The following CD276 variants were observed in gnomAD, a reference collection of about 807,000 sequenced individuals.
The protein encoded by CD276 is CD276 molecule.
A neutral mutation model predicts 50.0 loss-of-function variants in CD276; 34 were observed. That is an observed-to-expected ratio of 0.68 (90% CI 0.52 to 0.91). CD276 has a LOEUF of 0.91. CD276 is among the 40% of genes least tolerant of loss of function. CD276 has a pLI of 0.00. For missense variants in CD276, 634 were observed against 717.5 expected (o/e 0.88, Z 1.33); for synonymous variants, 275 against 313.0 (o/e 0.88, Z 1.28).
Position 73,702,244 on chromosome 15 carries a change from C to T in CD276, c.80-11C>T. ...TCCCCCTTATATGTTCTCCACTCCC[C>T]CTACCCCCAGGAGCCCTGGAGGTCC... On this transcript the variant is annotated splice_polypyrimidine_tract_variant and intron_variant, in intron 2 of 9. Transcript: ENST00000318443. The T allele has an allele frequency of 6.3e-7, 1 of 1,595,678 alleles. No homozygotes were observed. The highest frequency in any genetic ancestry group is 8.5e-7 in the Non-Finnish European group (1 of 1,171,176).
At chr15:73,686,056 T>C (rs1408692284) in intron 1 of CD276, among the ~76,000 whole-genome samples, 1 of 152,206 alleles carries the variant, frequency 6.6e-6, no homozygotes, top group Non-Finnish European at 1.5e-5. Flanking sequence ...AATGAAATTT[T>C]CCTTCATGAC....
rs762909809 is a variant in CD276, at chr15:73,713,816, T to C, written c.*860T>C. On this transcript the variant is annotated 3_prime_UTR_variant, in exon 10 of 10. Coordinates refer to ENST00000318443, the MANE Select transcript of CD276 (RefSeq NM_001024736.2). ...TCCCTCTGCCTTCTCACCTCTTTGT[T>C]CCTTTCTTTTCATGTATCCATTCAG... is the stretch of plus-strand genomic sequence containing the variant. 2 of 443,704 alleles carry C rather than the reference T, an allele frequency of 4.5e-6. No homozygotes were observed. Among genetic ancestry groups the C allele is most frequent in the South Asian group, 1.6e-5 (1 of 62,454 alleles). The allele number at this position is 443,704 out of a possible 1,614,324, so 27.5% of individuals were successfully genotyped here.
chr15:73,703,760 G>A lies in CD276; in HGVS notation c.835G>A (p.Ala279Thr), dbSNP rs10083681. The change falls in exon 5 of 10, where the codon GCA (alanine) becomes ACA (threonine). Residue 279 changes from alanine (A) to threonine (T), a missense_variant. Physicochemically the swap from Ala to Thr is moderately conservative, Grantham distance 58. Coordinates refer to ENST00000318443, the MANE Select transcript of CD276 (RefSeq NM_001024736.2). ...CTCCCCCGAGCCTGGCTTCAGCCTGGCACAGCTCAACCTCATCTGGCAGCT... is the reference window on the plus strand; with the variant it reads ...CTCCCCCGAGCCTGGCTTCAGCCTGACACAGCTCAACCTCATCTGGCAGCT... The part of the protein sequence containing the change: ...SFSPEPGFSL[A>T]QLNLIWQLTD... 186,656 of 1,613,412 alleles carry A rather than the reference G, an allele frequency of 0.12. 14,252 individuals are homozygous for A. The highest frequency in any genetic ancestry group is 0.39 in the African/African-American group (29,543 of 74,966).
chr15:73,711,471 C>T (rs1596023074), intron 9 of CD276: 3 of 367,322 alleles, frequency 8.2e-6, no homozygotes, highest in Admixed American at 8.6e-5. Context: ...TTCCACTTAC[C>T]TGGATTCTGC....
chr15:73,703,971 G>C lies in CD276; in HGVS notation c.1046G>C (p.Ser349Thr). 1 of 1,610,958 alleles carries C rather than the reference G, an allele frequency of 6.2e-7. No homozygotes were observed. The highest frequency in any genetic ancestry group is 8.5e-7 in the Non-Finnish European group (1 of 1,179,430). ...TCFVSIRDFG[S>T]AAVSLQVAAP... is the part of the protein sequence containing the mutation. ...TTCGTGAGCATCCGGGATTTCGGCAGCGCTGCCGTCAGCCTGCAGGTGGCC... is the reference window on the plus strand; with the variant it reads ...TTCGTGAGCATCCGGGATTTCGGCACCGCTGCCGTCAGCCTGCAGGTGGCC... The change falls in exon 5 of 10, where the codon AGC becomes ACC. Residue 349 changes from serine (S) to threonine (T), a missense_variant. Physicochemically the swap from Ser to Thr is moderately conservative, Grantham distance 58. Transcript: ENST00000318443.
intron 2 of CD276, among the ~76,000 whole-genome samples, chr15:73,700,040 C>G (rs1263484011): frequency 6.6e-6 from 1 of 152,186 alleles, no homozygotes; most frequent in African/African-American, 2.4e-5. Context: ...GACTGGATCC[C>G]ATATTTTGTG....
chr15:73,698,242 T>A (rs1900248516), intron 1 of CD276, among the ~76,000 whole-genome samples: 4 of 152,236 alleles, frequency 2.6e-5, no homozygotes, highest in Non-Finnish European at 5.9e-5. Context: ...TCAATACAGA[T>A]GTGTTAAGCT....
At position 73,702,555 on chromosome 15, in the gene CD276, G is replaced by A. The variant is rs780694082; in HGVS notation, c.380G>A (p.Arg127Gln). Reference sequence around the variant, plus strand: ...AGCTTCACCTGCTTCGTGAGCATCCGGGATTTCGGCAGCGCTGCCGTCAGC... The same window carrying A: ...AGCTTCACCTGCTTCGTGAGCATCCAGGATTTCGGCAGCGCTGCCGTCAGC... ...EGSFTCFVSIRDFGSAAVSLQ... is the reference protein window; with the variant it reads ...EGSFTCFVSIQDFGSAAVSLQ... The change falls in exon 3 of 10, where the codon CGG (arginine) becomes CAG (glutamine). Residue 127 changes from arginine (R) to glutamine (Q), a missense_variant. Arg to Gln is a conservative substitution (Grantham distance 43). Transcript: ENST00000318443. 8 of 1,611,052 alleles carry A rather than the reference G, an allele frequency of 5.0e-6. No homozygotes were observed. The highest frequency in any genetic ancestry group is 1.7e-5 in the Admixed American group (1 of 59,956).
chr15:73,712,375 G>A (rs1900938437), intron 9 of CD276, among the ~76,000 whole-genome samples: 1 of 152,238 alleles, frequency 6.6e-6, no homozygotes, highest in African/African-American at 2.4e-5. Flanking sequence ...GTGAGGGAGA[G>A]GGCAGGGGAA....
chr15:73,711,041 C>A, intron 8 of CD276, 94 bp from the exon 9 acceptor site: 1 of 1,336,322 alleles, frequency 7.5e-7, no homozygotes, highest in Non-Finnish European at 1.1e-6. Flanking sequence ...CTTGTCCCGC[C>A]CCTTCCAGCC....
Position 73,704,586 on chromosome 15 carries a change from C to T in CD276, c.1369+114C>T. ...GCCAGAAGACTTTCAAAATCCCTTTCATAGACTTCAGGTGCTCACACTCTT... is the reference window on the plus strand; with the variant it reads ...GCCAGAAGACTTTCAAAATCCCTTTTATAGACTTCAGGTGCTCACACTCTT... On this transcript the variant is annotated intron_variant, in intron 6 of 9. Transcript: ENST00000318443. This position sits in a 1 kb window ranked among gnomAD's most constrained non-coding sequence, Gnocchi z 4.1. The T allele has an allele frequency of 7.3e-7, 1 of 1,362,550 alleles. No individual in the cohort carries two copies. Among genetic ancestry groups the T allele is most frequent in the Non-Finnish European group, 9.9e-7 (1 of 1,009,050 alleles). 84.4% of individuals were successfully genotyped at this position (1,362,550 alleles called of 1,614,324 possible). A position where few individuals can be genotyped will look rare whatever the true frequency, so the allele number is the denominator to read the frequency against.
In CD276 at chr15:73,702,399, T is replaced by G. The variant is rs201466660; in HGVS notation, c.224T>G (p.Leu75Arg). Residue 75 changes from leucine (L) to arginine (R), a missense_variant, in exon 3 of 10, where the codon CTG (leucine) becomes CGG (arginine). Transcript: ENST00000318443. ...TGGCAGCTGACAGATACCAAACAGCTGGTGCACAGCTTTGCTGAGGGCCAG... is the reference window on the plus strand; with the variant it reads ...TGGCAGCTGACAGATACCAAACAGCGGGTGCACAGCTTTGCTGAGGGCCAG... ...LIWQLTDTKQ[L>R]VHSFAEGQDQ... 39 of 1,613,760 alleles carry G rather than the reference T, an allele frequency of 2.4e-5. No individual in the cohort carries two copies. The East Asian group carries it at 4.9e-4, about 20-fold the overall frequency.
chr15:73,692,661 T>C (rs1900029651), intron 1 of CD276, among the ~76,000 whole-genome samples: 1 of 152,248 alleles, frequency 6.6e-6, no homozygotes, highest in African/African-American at 2.4e-5. Context: ...ACCTCCCAAC[T>C]TGAGAATGAG....
At chr15:73,705,721 C>A (rs1000218822) in intron 6 of CD276, among the ~76,000 whole-genome samples, 2 of 152,040 alleles carry the variant, frequency 1.3e-5, no homozygotes, top group Non-Finnish European at 2.9e-5. Flanking sequence ...GGATATGAAG[C>A]TTTCAGAGGA....
At chr15:73,696,246 G>A (rs1178596665) in intron 1 of CD276, among the ~76,000 whole-genome samples, 1 of 151,960 alleles carries the variant, frequency 6.6e-6, no homozygotes, top group Non-Finnish European at 1.5e-5. Flanking sequence ...CCCGGCTGGG[G>A]ATGAGATTCC....
chr15:73,699,699 A>G lies in CD276; in HGVS notation c.60A>G (p.Ala20=), dbSNP rs758002298. 3 of 1,608,534 alleles carry G rather than the reference A, an allele frequency of 1.9e-6. No homozygotes were observed. Among genetic ancestry groups the G allele is most frequent in the Non-Finnish European group, 2.5e-6 (3 of 1,177,040 alleles). ...TGCATGTGGGTGCAGCCCTGGGAGC[A>G]CTGTGGTTCTGCCTCACAGGTGAGG... The part of the protein sequence containing the change: ...MGVHVGAALG[A]LWFCLTGALE... The change falls in exon 2 of 10, where the codon GCA becomes GCG. Residue 20 remains alanine, a synonymous_variant. Transcript: ENST00000318443.
Position 73,713,851 on chromosome 15 carries a change from AT to A in CD276, c.*897del. The A allele has an allele frequency of 2.3e-6, 1 of 438,950 alleles. No homozygotes were observed. Among genetic ancestry groups the A allele is most frequent in the Non-Finnish European group, 4.5e-6 (1 of 220,338 alleles). The allele number at this position is 438,950 out of a possible 1,614,324, so 27.2% of individuals were successfully genotyped here. A position where few individuals can be genotyped will look rare whatever the true frequency, so the allele number is the denominator to read the frequency against. ...TCATGTATCCATTCAGTTGATGTTT[AT>A]TGAGCAACTACAGATGTCAGCACTG... On this transcript the variant is annotated 3_prime_UTR_variant, in exon 10 of 10. Coordinates refer to ENST00000318443, the MANE Select transcript of CD276 (RefSeq NM_001024736.2).
At chr15:73,700,963 G>A (rs1900363841) in intron 2 of CD276, among the ~76,000 whole-genome samples, 1 of 21,786 alleles carries the variant, frequency 4.6e-5, no homozygotes, top group Non-Finnish European at 9.6e-5. Flanking sequence ...GAGTGCAGTG[G>A]CGCGATCTCG....
chr15:73,700,168 C>T (rs62004624), intron 2 of CD276, among the ~76,000 whole-genome samples: 9 of 152,102 alleles, frequency 5.9e-5, no homozygotes, highest in East Asian at 1.9e-4. Context: ...TGCCTAGATT[C>T]GCCCCCACCT....
Sources: gnomAD v4.1 joint callset for allele counts (sites outside exome capture counted in the v4.1 genomes callset) on GRCh38, gnomAD v4.1.1 for gene constraint, Gnocchi (gnomAD v3.1) non-coding constraint, MANE v1.5 for transcripts, NCBI Gene and HGNC (gene_info 2026-07-23, HGNC 2026-07-21) for gene names.